PARD3: variants seen among roughly 807,000 people sequenced by gnomAD.
The protein encoded by PARD3 is par-3 family cell polarity regulator.
PARD3 carries 75 observed loss-of-function variants against 155.4 expected under a neutral mutation model. That is an observed-to-expected ratio of 0.48 (90% confidence interval 0.40 to 0.58). The LOEUF (loss-of-function observed/expected upper bound fraction) is 0.58, where lower values mean the gene tolerates loss of function less well. Among genes scored for constraint, PARD3 ranks in the 20% least tolerant of loss-of-function variants. PARD3 has a pLI of 0.00. For missense variants in PARD3, 1,642 were observed against 1,721.7 expected, an observed-to-expected ratio of 0.95 and a Z score of 0.82; for synonymous variants, 576 against 610.5, an observed-to-expected ratio of 0.94 and a Z score of 0.83.
intron 22 of PARD3, among the ~76,000 whole-genome samples, chr10:34,142,087 C>T (rs527939760): frequency 3.3e-4 from 51 of 152,304 alleles, no homozygotes; most frequent in African/African-American, 1.1e-3. Flanking sequence ...TGGTGGACTT[C>T]CTCAAGACCC....
intron 24 of PARD3, among the ~76,000 whole-genome samples, chr10:34,117,128 G>GCT (rs1047828235): frequency 6.6e-6 from 1 of 151,956 alleles, no homozygotes; most frequent in Non-Finnish European, 1.5e-5. Flanking sequence ...CCCGCCCACC[G>GCT]CTCTCTCTCC....
At chr10:34,220,801 C>T (rs1403789108) in intron 22 of PARD3, among the ~76,000 whole-genome samples, 2 of 152,176 alleles carry the variant, frequency 1.3e-5, no homozygotes, top group African/African-American at 4.8e-5. Context: ...AGGTATGGTT[C>T]TATGATTCCC....
At chr10:34,712,481 T>C (rs1470520468) in intron 1 of PARD3, among the ~76,000 whole-genome samples, 1 of 152,226 alleles carries the variant, frequency 6.6e-6, no homozygotes, top group Admixed American at 6.5e-5. Context: ...GTGACAATCC[T>C]GCAAGATCAA....
At chr10:34,427,960 G>A (rs773951) in intron 5 of PARD3, among the ~76,000 whole-genome samples, 74,128 of 151,898 alleles carry the variant, frequency 0.49, 20,817 homozygotes, top group Non-Finnish European at 0.62. Context: ...GAGCTGGACA[G>A]TGAAGTGGAA....
chr10:34,292,523 C>G (rs1956723089), intron 20 of PARD3, among the ~76,000 whole-genome samples: 1 of 152,126 alleles, frequency 6.6e-6, no homozygotes, highest in African/African-American at 2.4e-5. Context: ...TACGTGACAA[C>G]TTGATAGCGC....
chr10:34,357,581 A>G (rs1003263452), intron 14 of PARD3, among the ~76,000 whole-genome samples: 1 of 152,198 alleles, frequency 6.6e-6, no homozygotes, highest in Non-Finnish European at 1.5e-5. Context: ...TGATTTTGCA[A>G]TGAGTAAAAA....
intron 20 of PARD3, among the ~76,000 whole-genome samples, chr10:34,302,594 G>C (rs1051712462): frequency 1.3e-5 from 2 of 152,154 alleles, no homozygotes; most frequent in Non-Finnish European, 2.9e-5. Flanking sequence ...ATCACACTGA[G>C]AAGGGCAGGT....
intron 20 of PARD3, among the ~76,000 whole-genome samples, chr10:34,308,829 G>T (rs1461441768): frequency 6.6e-6 from 1 of 151,694 alleles, no homozygotes; most frequent in African/African-American, 2.4e-5. Context: ...AAAACAAAAG[G>T]ACTTCGGACT....
At chr10:34,656,204 C>T (rs2093162479) in intron 2 of PARD3, among the ~76,000 whole-genome samples, 1 of 152,128 alleles carries the variant, frequency 6.6e-6, no homozygotes. Context: ...ATGGGCTTCT[C>T]TTAGCTTCTC....
intron 2 of PARD3, among the ~76,000 whole-genome samples, chr10:34,678,815 GA>G (rs1182304331): frequency 6.6e-6 from 1 of 151,816 alleles, no homozygotes; most frequent in Admixed American, 6.6e-5. Context: ...CGCCCACCAA[GA>G]AAATAAAAAT....
intron 22 of PARD3, among the ~76,000 whole-genome samples, chr10:34,204,557 A>C (rs1294565817): frequency 1.3e-5 from 2 of 152,174 alleles, no homozygotes; most frequent in Non-Finnish European, 2.9e-5. Flanking sequence ...GCTTGTGTTC[A>C]ACAGAACAGG....
At chr10:34,681,350 A>C (rs2093815448) in intron 2 of PARD3, among the ~76,000 whole-genome samples, 1 of 152,118 alleles carries the variant, frequency 6.6e-6, no homozygotes, top group Admixed American at 6.6e-5. Flanking sequence ...TTTGAGAAGT[A>C]ATTAGTTGTG....
intron 23 of PARD3, among the ~76,000 whole-genome samples, chr10:34,126,080 G>C (rs755588160): frequency 1.3e-5 from 2 of 152,170 alleles, no homozygotes; most frequent in Non-Finnish European, 2.9e-5. Context: ...GCAACTTGCT[G>C]CTTTATTTAT....
intron 2 of PARD3, among the ~76,000 whole-genome samples, chr10:34,649,602 GGTGA>G (rs1564459909): frequency 6.6e-6 from 1 of 152,214 alleles, no homozygotes. Context: ...AGTTGCCCTG[GGTGA>G]GTGAGTGAGT....
chr10:34,718,938 G>A (rs1046084900), intron 1 of PARD3, among the ~76,000 whole-genome samples: 12 of 152,038 alleles, frequency 7.9e-5, no homozygotes, highest in Non-Finnish European at 1.8e-4. Context: ...ACTCAAGCCT[G>A]GGGGACAAGA....
At chr10:34,420,754 T>A (rs923783952) in intron 5 of PARD3, among the ~76,000 whole-genome samples, 2 of 152,234 alleles carry the variant, frequency 1.3e-5, no homozygotes, top group Admixed American at 6.5e-5. Flanking sequence ...CCGTACTGTG[T>A]ATTTATAACA....
chr10:34,167,046 C>T (rs1178133912), intron 22 of PARD3, among the ~76,000 whole-genome samples: 4 of 152,148 alleles, frequency 2.6e-5, no homozygotes, highest in Admixed American at 2.6e-4. Context: ...ACCTGCTGTA[C>T]CACTAAAGAG....
chr10:34,640,856 G>T (rs530823033), intron 2 of PARD3, among the ~76,000 whole-genome samples: 15 of 151,852 alleles, frequency 9.9e-5, no homozygotes, highest in Admixed American at 9.9e-4. Context: ...CAAATTCACT[G>T]CAGTATTGTG....
At chr10:34,810,100 T>C (rs1025679037) in intron 1 of PARD3, among the ~76,000 whole-genome samples, 32 of 152,242 alleles carry the variant, frequency 2.1e-4, no homozygotes, top group Middle Eastern at 3.4e-3. Context: ...TTTTAAAAAA[T>C]ACAGGTCAAG....
Sources: allele counts gnomAD v4.1 joint callset (sites outside exome capture counted in the v4.1 genomes callset), GRCh38; gene constraint gnomAD v4.1.1; transcripts MANE v1.5; gene names NCBI Gene and HGNC (gene_info 2026-07-23, HGNC 2026-07-21).